PLEC: variants seen among roughly 807,000 people sequenced by gnomAD.
The protein encoded by PLEC is hemidesmosomal protein 1.
PLEC carries 216 observed loss-of-function variants against 392.8 expected under a neutral mutation model. That is an observed-to-expected ratio of 0.55 (90% CI 0.49 to 0.62). The LOEUF is 0.62. Among genes scored for constraint, PLEC ranks in the 20% least tolerant of loss-of-function variants. PLEC has a pLI of 0.00. For synonymous variants in PLEC, 3,621 were observed against 2,980.6 expected (o/e 1.21, Z -7.00); for missense variants, 6,863 against 6,563.4 (o/e 1.05, Z -1.58).
rs782569437 is a variant in PLEC, at chr8:143,918,777, C to G, written c.11044G>C (p.Ala3682Pro). 1 of 1,612,944 alleles carries G rather than the reference C, an allele frequency of 6.2e-7. No individual in the cohort carries two copies. The highest frequency in any genetic ancestry group is 8.5e-7 in the Non-Finnish European group (1 of 1,179,994). The change falls in exon 32 of 32, where the codon GCC becomes CCC. Residue 3682 changes from alanine (A) to proline (P), a missense_variant. Transcript: ENST00000345136. ...SLREALEAESAWCYLYGTGSV... is the reference protein window; with the variant it reads ...SLREALEAESPWCYLYGTGSV... ...CCCGTGCCATAGAGGTAGCACCAGG[C>G]GGACTCCGCCTCGAGAGCCTCACGG...
intron 1 of PLEC, among the ~76,000 whole-genome samples, chr8:143,947,339 G>A (rs782052283): frequency 6.6e-6 from 1 of 152,246 alleles, no homozygotes; most frequent in African/African-American, 2.4e-5. Context: ...AGCGCTCACC[G>A]TGGTGGCGGC....
chr8:143,975,257 C>A, upstream of PLEC: 1 of 1,608,662 alleles, frequency 6.2e-7, no homozygotes, highest in South Asian at 1.1e-5. This position sits in a 1 kb window ranked among gnomAD's most constrained non-coding sequence, Gnocchi z 9.9. Flanking sequence ...GCGCCGGCTC[C>A]GCTGCGTTTT....
chr8:143,975,387 G>C, upstream of PLEC: 1 of 1,601,746 alleles, frequency 6.2e-7, no homozygotes, highest in Non-Finnish European at 8.5e-7. This position sits in a 1 kb window ranked among gnomAD's most constrained non-coding sequence, Gnocchi z 9.9. Flanking sequence ...TGGAAGGGGA[G>C]CAGGAGGGGT....
chr8:143,967,354 C>G (rs1554742604), intron 1 of PLEC, among the ~76,000 whole-genome samples: 1 of 108,180 alleles, frequency 9.2e-6, no homozygotes, highest in African/African-American at 3.9e-5. Context: ...CAGAGCGAGA[C>G]TCCATCTCAA....
At position 143,937,263 on chromosome 8, in the gene PLEC, C is replaced by T. The variant is rs781966508; in HGVS notation, c.265-21G>A. 3 of 1,589,610 alleles carry T rather than the reference C, an allele frequency of 1.9e-6. No homozygotes were observed. In the South Asian group the frequency reaches 3.3e-5, roughly 18 times the overall value. On this transcript the variant is annotated intron_variant, in intron 3 of 31. Transcript: ENST00000345136. Reference sequence around the variant, plus strand: ...CGGGGCTGTGGGGAGGCACAGTCAGCACCCACAGTGCAGCTGCAGCTCCCG... The same window carrying T: ...CGGGGCTGTGGGGAGGCACAGTCAGTACCCACAGTGCAGCTGCAGCTCCCG...
chr8:143,926,070 G>A lies in PLEC; in HGVS notation c.4045-186C>T, dbSNP rs569841867. 2.9e-4 allele frequency among the ~76,000 whole-genome samples: 44 copies of A among 152,362 alleles called. No individual in the cohort carries two copies. In the South Asian group the frequency reaches 5.6e-3, roughly 19 times the overall value. ...GGGCGCTCGGGCAGCGATCGCAGCC[G>A]GCCCCACTGTGCTCACCAGCCTGGG... On this transcript the variant is annotated intron_variant, in intron 30 of 31. Coordinates refer to ENST00000345136, the MANE Select transcript of PLEC (RefSeq NM_201384.3).
chr8:143,961,168 A>G (rs1554740740), intron 1 of PLEC, among the ~76,000 whole-genome samples: 1 of 152,254 alleles, frequency 6.6e-6, no homozygotes, highest in East Asian at 1.9e-4. Flanking sequence ...ACGATAGGTA[A>G]AAAACAGTAT....
At chr8:143,928,989 A>C in intron 25 of PLEC, 114 bp downstream of exon 25, 1 of 971,026 alleles carries the variant, frequency 1.0e-6, no homozygotes, top group Non-Finnish European at 1.6e-6. Context: ...TCCTGGCCAG[A>C]TCTCTGAACA....
intron 1 of PLEC, among the ~76,000 whole-genome samples, chr8:143,949,719 C>T (rs1351960862): frequency 1.3e-5 from 2 of 152,214 alleles, no homozygotes; most frequent in Non-Finnish European, 2.9e-5. Context: ...GCACTCTGTG[C>T]GGCACCAAGC....
chr8:143,917,480 G>C lies in PLEC; in HGVS notation c.12341C>G (p.Thr4114Arg), dbSNP rs377244187. ...LMERCITDPQ[T>R]GLCLLPLKEK... Reference sequence around the variant, plus strand: ...CTTCAGCGGCAAGAGACACAGGCCCGTCTGGGGGTCAGTGATACAACGCTC... The same window carrying C: ...CTTCAGCGGCAAGAGACACAGGCCCCTCTGGGGGTCAGTGATACAACGCTC... The change falls in exon 32 of 32, where the codon ACG becomes AGG. Residue 4114 changes from threonine (T) to arginine (R), a missense_variant. Coordinates refer to ENST00000345136, the MANE Select transcript of PLEC (RefSeq NM_201384.3). 1 of 1,613,842 alleles carries C rather than the reference G, an allele frequency of 6.2e-7. No individual in the cohort carries two copies. The highest frequency in any genetic ancestry group is 8.5e-7 in the Non-Finnish European group (1 of 1,180,014).
At position 143,939,538 on chromosome 8, in the gene PLEC, C is replaced by A. The variant is rs1587244084; in HGVS notation, c.-77G>T. 1 of 1,547,232 alleles carries A rather than the reference C, an allele frequency of 6.5e-7. No individual in the cohort carries two copies. The highest frequency in any genetic ancestry group is 8.7e-7 in the Non-Finnish European group (1 of 1,147,910). On this transcript the variant is annotated 5_prime_UTR_variant, in exon 1 of 32. Transcript: ENST00000345136. Reference sequence around the variant, plus strand: ...TGGGCAGCCCCGTGTGGCACACAGGCAGCTGAAGGCTGGCGGCCCCACGAG... The same window carrying A: ...TGGGCAGCCCCGTGTGGCACACAGGAAGCTGAAGGCTGGCGGCCCCACGAG...
At chr8:143,928,995 G>C (rs1826195185) in intron 25 of PLEC, 108 bp downstream of exon 25, 1 of 1,038,818 alleles carries the variant, frequency 9.6e-7, no homozygotes, top group Non-Finnish European at 1.4e-6. Flanking sequence ...CCAGATCTCT[G>C]AACAGCCCCC....
intron 1 of PLEC, chr8:143,945,141 C>G (rs1442329229): frequency 2.3e-6 from 1 of 434,398 alleles, no homozygotes; most frequent in African/African-American, 2.2e-5. Flanking sequence ...TCCCAGAGGG[C>G]CCTGCGCAGG....
chr8:143,924,231 T>C lies in PLEC; in HGVS notation c.5698A>G (p.Lys1900Glu), dbSNP rs2131381770. 6.3e-7 allele frequency: 1 copy of C among 1,598,478 alleles called. No homozygotes were observed. The highest frequency in any genetic ancestry group is 2.2e-5 in the East Asian group (1 of 44,796). ...DIEERLAQLR[K>E]ASDSELERQK... ...CGCTCCAGCTCGCTGTCCGATGCCT[T>C]GCGCAGCTGGGCCAGGCGCTCCTCG... Residue 1900 changes from lysine to glutamate, a missense_variant, in exon 31 of 32, where the codon AAG (lysine) becomes GAG (glutamate). By Grantham distance (56) the Lys-to-Glu change is moderately conservative. Transcript: ENST00000345136.
Position 143,919,996 on chromosome 8 carries a change from G to C in PLEC, c.9825C>G (p.Arg3275=). The C allele has an allele frequency of 1.2e-6, 2 of 1,613,284 alleles. No individual in the cohort carries two copies. The highest frequency in any genetic ancestry group is 2.2e-5 in the South Asian group (2 of 91,084). The change falls in exon 32 of 32, where the codon CGC becomes CGG. Residue 3275 remains arginine (R), a synonymous_variant. Transcript: ENST00000345136. ...CCTTCTCCACGGTGACCTTGCCCGTGCGGAACTGACGCAACAGCTCCTGCC... is the reference window on the plus strand; with the variant it reads ...CCTTCTCCACGGTGACCTTGCCCGTCCGGAACTGACGCAACAGCTCCTGCC... ...EQRQELLRQF[R]TGKVTVEKVI... is the part of the protein sequence containing the mutation.
chr8:143,975,013 C>T (rs1833608512), upstream of PLEC, among the ~76,000 whole-genome samples: 1 of 152,210 alleles, frequency 6.6e-6, no homozygotes, highest in South Asian at 2.1e-4. This position sits in a 1 kb window ranked among gnomAD's most constrained non-coding sequence, Gnocchi z 9.9. Context: ...CGGCAGGTGG[C>T]GCTGTGCCGC....
At chr8:143,930,944 C>G (rs1179773289) in intron 19 of PLEC, among the ~76,000 whole-genome samples, 1 of 152,188 alleles carries the variant, frequency 6.6e-6, no homozygotes, top group Non-Finnish European at 1.5e-5. Flanking sequence ...GCCCTGCCGA[C>G]CTCAGAGGCC....
At chr8:143,968,152 GAAGAA>G (rs1833211532) in intron 1 of PLEC, among the ~76,000 whole-genome samples, 1 of 151,158 alleles carries the variant, frequency 6.6e-6, no homozygotes, top group East Asian at 1.9e-4. Flanking sequence ...AAAAAAAAAG[GAAGAA>G]AAGAAAACAT....
intron 18 of PLEC, 93 bp downstream of exon 18, chr8:143,931,844 C>T (rs1827353638): frequency 7.0e-7 from 1 of 1,424,844 alleles, no homozygotes; most frequent in East Asian, 2.4e-5. Context: ...CGTCTGCAGA[C>T]AGGAGGGCTC....
Sources: allele counts gnomAD v4.1 joint callset (sites outside exome capture counted in the v4.1 genomes callset), GRCh38; gene constraint gnomAD v4.1.1; non-coding constraint Gnocchi (gnomAD v3.1); transcripts MANE v1.5; gene names NCBI Gene and HGNC (gene_info 2026-07-23, HGNC 2026-07-21).